The following NEDD4L variants were observed in gnomAD, a reference collection of about 807,000 sequenced individuals.
The protein encoded by NEDD4L is NEDD4 like E3 ubiquitin protein ligase.
In NEDD4L, 54 loss-of-function variants were observed where a neutral mutation model predicts 148.9. That is an observed-to-expected ratio of 0.36 (90% CI 0.29 to 0.45). The LOEUF is 0.45. Ranked by LOEUF, NEDD4L falls within the 20% of genes least tolerant of loss-of-function variation. The pLI, the probability that NEDD4L is intolerant of heterozygous loss-of-function variation, is 1.00. For synonymous variants in NEDD4L, 433 were observed against 440.7 expected, an observed-to-expected ratio of 0.98 and a Z score of 0.22; for missense variants, 856 against 1,233.8, an observed-to-expected ratio of 0.69 and a Z score of 4.59.
At chr18:58,322,166 A>G (rs183704277) in intron 6 of NEDD4L, among the ~76,000 whole-genome samples, 30 of 152,178 alleles carry the variant, frequency 2.0e-4, no homozygotes, top group African/African-American at 7.0e-4. Context: ...GCAGTTAGAA[A>G]TTTTACTTGG....
intron 2 of NEDD4L, among the ~76,000 whole-genome samples, chr18:58,236,402 G>A (rs926236422): frequency 2.0e-5 from 3 of 152,148 alleles, no homozygotes; most frequent in Non-Finnish European, 4.4e-5. Flanking sequence ...TTGGGTTAAC[G>A]TTTCTTCTTC....
chr18:58,352,292 A>G (rs2043988454), intron 18 of NEDD4L, among the ~76,000 whole-genome samples: 1 of 152,088 alleles, frequency 6.6e-6, no homozygotes, highest in South Asian at 2.1e-4. Context: ...TATACTATTT[A>G]TTTATTGTTT....
chr18:58,282,878 A>G (rs1276433117), intron 5 of NEDD4L, among the ~76,000 whole-genome samples: 2 of 152,280 alleles, frequency 1.3e-5, no homozygotes, highest in East Asian at 3.9e-4. Flanking sequence ...ACCACATCTC[A>G]GTGAATTAAC....
chr18:58,243,690 G>A (rs372110382), intron 2 of NEDD4L, among the ~76,000 whole-genome samples: 3 of 152,146 alleles, frequency 2.0e-5, no homozygotes, highest in African/African-American at 7.2e-5. Flanking sequence ...GCTAGGTGCC[G>A]GCTCTTGATC....
chr18:58,092,639 C>G (rs1276702584), intron 1 of NEDD4L, among the ~76,000 whole-genome samples: 1 of 151,966 alleles, frequency 6.6e-6, no homozygotes, highest in Non-Finnish European at 1.5e-5. Flanking sequence ...CCACTCAGCA[C>G]AGCTCTGCAC....
chr18:58,381,602 G>A (rs770341165), intron 24 of NEDD4L, among the ~76,000 whole-genome samples: 26 of 152,312 alleles, frequency 1.7e-4, no homozygotes, highest in Non-Finnish European at 3.2e-4. Context: ...AAGCCTTCTC[G>A]ATACCAATGC....
rs1034804455 is a variant in NEDD4L, at chr18:58,256,036, C to T, written c.297+3982C>T. 2.4e-6 allele frequency: 3 copies of T among 1,229,814 alleles called. No individual in the cohort carries two copies. The highest frequency in any genetic ancestry group is 4.1e-5 in the South Asian group (1 of 24,310). 76.2% of individuals were successfully genotyped at this position (1,229,814 alleles called of 1,614,324 possible). On this transcript the variant is annotated intron_variant, in intron 5 of 30. Transcript: ENST00000400345. The surrounding 1 kb of genome is among the most constrained non-coding windows in gnomAD (Gnocchi z 5.2). ...CCAGGGACCAGGCCTCCGCCACTGC[C>T]ACCACGAGGGCCTCGCCCCAGAGTG...
intron 5 of NEDD4L, among the ~76,000 whole-genome samples, chr18:58,257,523 G>A (rs2048763943): frequency 6.6e-6 from 1 of 152,148 alleles, no homozygotes; most frequent in Admixed American, 6.5e-5. Flanking sequence ...GGCGTGGCGT[G>A]CAATTTAACA....
intron 2 of NEDD4L, among the ~76,000 whole-genome samples, chr18:58,200,394 T>G (rs1599636644): frequency 1.6e-5 from 1 of 62,150 alleles, no homozygotes; most frequent in African/African-American, 1.8e-4. Flanking sequence ...ACTTGTCCCA[T>G]TTTTTTGCTG....
At chr18:58,293,347 A>G (rs187819308) in intron 5 of NEDD4L, among the ~76,000 whole-genome samples, 1 of 152,376 alleles carries the variant, frequency 6.6e-6, no homozygotes, top group East Asian at 1.9e-4. Flanking sequence ...CAATGTAGGT[A>G]ATGCACCAGT....
At chr18:58,218,518 T>C (rs2043387141) in intron 2 of NEDD4L, among the ~76,000 whole-genome samples, 1 of 152,186 alleles carries the variant, frequency 6.6e-6, no homozygotes, top group Non-Finnish European at 1.5e-5. Context: ...TTCCCAGGTG[T>C]CTCTTCAGTG....
intron 1 of NEDD4L, among the ~76,000 whole-genome samples, chr18:58,061,247 T>C (rs544730720): frequency 3.7e-4 from 57 of 152,340 alleles, no homozygotes; most frequent in African/African-American, 1.3e-3. Flanking sequence ...GGTTATCTAA[T>C]TGGATCCGTG....
rs57601055 is a variant in NEDD4L, at chr18:58,232,594, C to T, written c.123-12833C>T. 5.6e-3 allele frequency among the ~76,000 whole-genome samples: 855 copies of T among 152,324 alleles called. 8 individuals carry two copies. The highest frequency in any genetic ancestry group is 0.018 in the African/African-American group (747 of 41,566). ...TGTGTAACCGGAGAAAATACATATC[C>T]TATGGCACCCTTGTGTCGGGATATA... On this transcript the variant is annotated intron_variant, in intron 2 of 30. Transcript: ENST00000400345.
At chr18:58,361,868 A>G (rs2045531109) in intron 19 of NEDD4L, among the ~76,000 whole-genome samples, 1 of 146,804 alleles carries the variant, frequency 6.8e-6, no homozygotes, top group African/African-American at 2.6e-5. Context: ...GTGAGAACAA[A>G]TGATTTGGTC....
intron 10 of NEDD4L, 30 bp downstream of exon 10, chr18:58,329,157 C>CGCA: frequency 1.2e-6 from 2 of 1,605,508 alleles, no homozygotes; most frequent in Non-Finnish European, 1.7e-6. Context: ...GTGCAAAGCC[C>CGCA]GGCAGCTCCT....
chr18:58,167,348 C>A (rs2036983233), intron 2 of NEDD4L, among the ~76,000 whole-genome samples: 1 of 152,224 alleles, frequency 6.6e-6, no homozygotes, highest in African/African-American at 2.4e-5. Flanking sequence ...TCTTCCCTTT[C>A]AGAGCAACAC....
Position 58,330,912 on chromosome 18 carries a change from A to G in NEDD4L, c.988A>G (p.Ile330Val), listed in dbSNP as rs771064505. 1 of 1,612,626 alleles carries G rather than the reference A, an allele frequency of 6.2e-7. No homozygotes were observed. Among genetic ancestry groups the G allele is most frequent in the Non-Finnish European group, 8.5e-7 (1 of 1,179,018 alleles). The change falls in exon 11 of 31, where the codon ATT becomes GTT. Residue 330 changes from isoleucine (I) to valine (V), a missense_variant and splice_region_variant. Physicochemically the swap from Ile to Val is conservative, Grantham distance 29. Around this residue, in one of 4 missense-constraint regions of NEDD4L, gnomAD observed 367 missense variants for 422.7 expected, o/e 0.87. Transcript: ENST00000400345. ...CAATGGGGAACAGTTCAGCTCTTTG[A>G]TTGTAAGTAGTGGCCTTGTTTGAAA... ...DSNGEQFSSL[I>V]QREPSSRLRS...
Position 58,044,302 on chromosome 18 carries a change from G to A in NEDD4L, c.-359G>A, listed in dbSNP as rs1354542426. The A allele has an allele frequency of 6.5e-6, 1 of 152,820 alleles. No individual in the cohort carries two copies. The highest frequency in any genetic ancestry group is 2.4e-5 in the African/African-American group (1 of 41,340). 9.5% of individuals were successfully genotyped at this position (152,820 alleles called of 1,614,324 possible). A position where few individuals can be genotyped will look rare whatever the true frequency, so the allele number is the denominator to read the frequency against. On this transcript the variant is annotated 5_prime_UTR_variant, in exon 1 of 31. Transcript: ENST00000400345. ...CGGGAGCGCAGAGGAGGCTCGGAGG[G>A]GGGCGGAGAGCGGCGGGGCGGGAGG...
intron 16 of NEDD4L, among the ~76,000 whole-genome samples, chr18:58,346,150 GC>G (rs2145394249): frequency 6.6e-6 from 1 of 152,236 alleles, no homozygotes; most frequent in South Asian, 2.1e-4. Flanking sequence ...GAGACCAGGG[GC>G]TTGGGAGGGA....
Sources: gnomAD v4.1 joint callset for allele counts (sites outside exome capture counted in the v4.1 genomes callset) on GRCh38, gnomAD v4.1.1 for gene constraint, gnomAD v4.1.1 regional missense constraint, Gnocchi (gnomAD v3.1) non-coding constraint, MANE v1.5 for transcripts, NCBI Gene and HGNC (gene_info 2026-07-23, HGNC 2026-07-21) for gene names.